Variants in RTF1 observed in about 807,000 individuals in gnomAD.
The protein encoded by RTF1 is RTF1 homolog, Paf1/RNA polymerase II complex component.
A neutral mutation model predicts 95.7 loss-of-function variants in RTF1; 10 were observed. The observed-to-expected ratio is 0.10, with a 90% CI of 0.06 to 0.18. RTF1 has a LOEUF of 0.18. Among genes scored for constraint, RTF1 ranks in the 10% least tolerant of loss-of-function variants. The pLI is 1.00. For synonymous variants in RTF1, 305 were observed against 311.8 expected (o/e 0.98, Z 0.23); for missense variants, 458 against 875.6 (o/e 0.52, Z 6.02).
Position 41,464,835 on chromosome 15 carries a change from C to A in RTF1, c.727C>A (p.Gln243Lys). ...KKEKKEKKKK[Q>K]EEEQEKKKLT... ...AGAAAAGAAAGAAAAGAAGAAAAAG[C>A]AAGAAGAGGAGCAAGAAAAGAAAAA... The change falls in exon 5 of 18, where the codon CAA (glutamine) becomes AAA (lysine). Residue 243 changes from glutamine to lysine, a missense_variant. Gln to Lys is a moderately conservative substitution (Grantham distance 53, BLOSUM62 1). Around this residue, in one of 11 missense-constraint regions of RTF1, gnomAD observed 39 missense variants for 43.8 expected, o/e 0.89. Coordinates refer to ENST00000389629, the MANE Select transcript of RTF1 (RefSeq NM_015138.5). 6.4e-7 allele frequency: 1 copy of A among 1,551,844 alleles called. No individual in the cohort carries two copies. Among genetic ancestry groups the A allele is most frequent in the Non-Finnish European group, 8.7e-7 (1 of 1,149,948 alleles).
intron 1 of RTF1, among the ~76,000 whole-genome samples, chr15:41,430,268 A>T (rs1410655777): frequency 6.8e-6 from 1 of 146,846 alleles, no homozygotes; most frequent in African/African-American, 2.5e-5. Flanking sequence ...CCTCTGGTTC[A>T]CTACAACCTC....
In RTF1 at chr15:41,480,324, A is replaced by C; in HGVS notation, c.2025A>C (p.Ser675=). 2 of 1,589,190 alleles carry C rather than the reference A, an allele frequency of 1.3e-6. No individual in the cohort carries two copies. Among genetic ancestry groups the C allele is most frequent in the Non-Finnish European group, 1.7e-6 (2 of 1,157,438 alleles). The change falls in exon 17 of 18, where the codon TCA becomes TCC. Residue 675 remains serine (S), a splice_region_variant and synonymous_variant. Coordinates refer to ENST00000389629, the MANE Select transcript of RTF1 (RefSeq NM_015138.5). ...DVKIDLQVPS[S]ESKALAITSK... ...AGATTGACTTACAAGTTCCCAGCTC[A>C]GGTATGTGAGGGTGGGGCGGGTGGT...
intron 4 of RTF1, 141 bp downstream of exon 4, chr15:41,458,017 G>A (rs2050827959): frequency 1.5e-6 from 1 of 646,644 alleles, no homozygotes; most frequent in African/African-American, 1.8e-5. Flanking sequence ...TGAGACGCAA[G>A]TGATGTATTA....
intron 1 of RTF1, among the ~76,000 whole-genome samples, chr15:41,434,618 T>C (rs2050692347): frequency 1.3e-5 from 2 of 148,740 alleles, no homozygotes; most frequent in South Asian, 4.3e-4. Context: ...AAGGCAGTAC[T>C]AATGTCTTTT....
intron 1 of RTF1, among the ~76,000 whole-genome samples, chr15:41,425,050 G>A (rs572973272): frequency 5.3e-5 from 8 of 152,016 alleles, no homozygotes; most frequent in African/African-American, 1.7e-4. Context: ...ACTGGAGGGC[G>A]TCAGCCTCCC....
At chr15:41,460,304 G>A (rs1408388643) in intron 4 of RTF1, among the ~76,000 whole-genome samples, 3 of 151,766 alleles carry the variant, frequency 2.0e-5, no homozygotes, top group Admixed American at 2.0e-4. Context: ...TGTATTTTTA[G>A]TAGAGACAGG....
chr15:41,480,784 T>C lies in RTF1; in HGVS notation c.*97T>C, dbSNP rs181065103. 230 of 866,230 alleles carry C rather than the reference T, an allele frequency of 2.7e-4. No individual in the cohort carries two copies. In the African/African-American group the frequency reaches 3.5e-3, roughly 13 times the overall value. 53.7% of individuals were successfully genotyped at this position (866,230 alleles called of 1,614,324 possible). ...TTTAGCCTCTTTGGGCTGGAGCAGC[T>C]GTTGAACTGGGAAGAGACTCTAAAC... On this transcript the variant is annotated 3_prime_UTR_variant, in exon 18 of 18. Coordinates refer to ENST00000389629, the MANE Select transcript of RTF1 (RefSeq NM_015138.5).
chr15:41,446,272 C>T (rs2050761485), intron 2 of RTF1, among the ~76,000 whole-genome samples: 1 of 152,090 alleles, frequency 6.6e-6, no homozygotes, highest in Non-Finnish European at 1.5e-5. Flanking sequence ...AACAGACTCA[C>T]AGAAATTCTC....
At chr15:41,445,153 T>G (rs1057349498) in intron 2 of RTF1, among the ~76,000 whole-genome samples, 4 of 152,094 alleles carry the variant, frequency 2.6e-5, no homozygotes, top group Admixed American at 2.0e-4. Context: ...GCCAGGATGG[T>G]CTTGATCTCC....
At position 41,479,979 on chromosome 15, in the gene RTF1, C is replaced by T. The variant is rs62001425; in HGVS notation, c.1915-235C>T. On this transcript the variant is annotated intron_variant, in intron 16 of 17. Coordinates refer to ENST00000389629, the MANE Select transcript of RTF1 (RefSeq NM_015138.5). Reference sequence around the variant, plus strand: ...CAGGAAGTGACCCGTTGCTTAAGCCCACCCTTTCTACACTCATACCACAGA... The same window carrying T: ...CAGGAAGTGACCCGTTGCTTAAGCCTACCCTTTCTACACTCATACCACAGA... 9.2e-3 allele frequency among the ~76,000 whole-genome samples: 1,403 copies of T among 152,156 alleles called. 15 individuals are homozygous for T. Among genetic ancestry groups the T allele is most frequent in the South Asian group, 0.028 (135 of 4,810 alleles).
chr15:41,433,101 A>G (rs1368693348), intron 1 of RTF1, among the ~76,000 whole-genome samples: 2 of 151,780 alleles, frequency 1.3e-5, no homozygotes, highest in Admixed American at 1.3e-4. Flanking sequence ...CAAAACTATT[A>G]GCTGGGTGTG....
intron 2 of RTF1, among the ~76,000 whole-genome samples, chr15:41,442,335 T>C (rs2050740006): frequency 2.6e-5 from 4 of 151,740 alleles, no homozygotes; most frequent in Non-Finnish European, 5.9e-5. Context: ...GCCTGGCTAA[T>C]TTTTTGTATT....
intron 6 of RTF1, among the ~76,000 whole-genome samples, chr15:41,469,048 AACC>A (rs1375828573): frequency 6.6e-6 from 1 of 151,728 alleles, no homozygotes; most frequent in African/African-American, 2.4e-5. Flanking sequence ...GGCTCATTGC[AACC>A]TTCACCTCCC....
At chr15:41,475,399 G>C (rs900468253) in intron 9 of RTF1, 126 bp from the exon 10 acceptor site, 2 of 709,458 alleles carry the variant, frequency 2.8e-6, no homozygotes, top group African/African-American at 3.5e-5. Flanking sequence ...TGATTTTATA[G>C]GGTAGCTAGG....
At chr15:41,463,695 T>C (rs950660376) in intron 4 of RTF1, among the ~76,000 whole-genome samples, 4 of 152,182 alleles carry the variant, frequency 2.6e-5, no homozygotes, top group African/African-American at 9.7e-5. Context: ...TTGTCCAGGC[T>C]AGTCTCCAAC....
At chr15:41,455,940 C>T (rs963587834) in intron 3 of RTF1, among the ~76,000 whole-genome samples, 12 of 150,698 alleles carry the variant, frequency 8.0e-5, no homozygotes, top group East Asian at 6.0e-4. Flanking sequence ...AGGCCAGGTG[C>T]GGCGGCTCAC....
intron 4 of RTF1, among the ~76,000 whole-genome samples, chr15:41,459,862 C>T (rs1315047868): frequency 6.6e-6 from 1 of 152,092 alleles, no homozygotes; most frequent in Non-Finnish European, 1.5e-5. Context: ...TCCTTATCTC[C>T]TAACAGAATT....
chr15:41,434,067 A>G (rs1430282470), intron 1 of RTF1, among the ~76,000 whole-genome samples: 1 of 150,962 alleles, frequency 6.6e-6, no homozygotes, highest in Non-Finnish European at 1.5e-5. Context: ...CTGGTCTCGA[A>G]CTCCCAACCT....
In RTF1 at chr15:41,457,702, C is replaced by T. The variant is rs2050826287; in HGVS notation, c.488C>T (p.Ser163Phe). 1 of 1,613,924 alleles carries T rather than the reference C, an allele frequency of 6.2e-7. No individual in the cohort carries two copies. Among genetic ancestry groups the T allele is most frequent in the Non-Finnish European group, 8.5e-7 (1 of 1,180,014 alleles). ...GEVSDSDSNS[S>F]SSSSDSDSSS... is the part of the protein sequence containing the mutation. Reference sequence around the variant, plus strand: ...GTGTCAGACTCTGACAGCAACAGCTCCTCTTCCAGTTCAGATTCAGACTCT... The same window carrying T: ...GTGTCAGACTCTGACAGCAACAGCTTCTCTTCCAGTTCAGATTCAGACTCT... The change falls in exon 4 of 18, where the codon TCC becomes TTC. Residue 163 changes from serine to phenylalanine, a missense_variant. Around this residue, in one of 11 missense-constraint regions of RTF1, gnomAD observed 15 missense variants for 28.4 expected, o/e 0.53. Transcript: ENST00000389629.
Sources: gnomAD v4.1 joint callset for allele counts (sites outside exome capture counted in the v4.1 genomes callset) on GRCh38, gnomAD v4.1.1 for gene constraint, gnomAD v4.1.1 regional missense constraint, MANE v1.5 for transcripts, NCBI Gene and HGNC (gene_info 2026-07-23, HGNC 2026-07-21) for gene names.